Variants in FOXN3 observed in about 807,000 individuals in gnomAD.
FOXN3 encodes forkhead box protein N3.
A neutral mutation model predicts 38.4 loss-of-function variants in FOXN3; 7 were observed. That is an observed-to-expected ratio of 0.18 (90% CI 0.10 to 0.34). FOXN3 has a LOEUF of 0.34. Among genes scored for constraint, FOXN3 ranks in the 10% least tolerant of loss-of-function variants. The pLI is 1.00. For missense variants in FOXN3, 456 were observed against 613.4 expected, an observed-to-expected ratio of 0.74 and a Z score of 2.71; for synonymous variants, 230 against 242.2, an observed-to-expected ratio of 0.95 and a Z score of 0.47.
At chr14:89,444,671 C>T (rs1378802856) in intron 1 of FOXN3, among the ~76,000 whole-genome samples, 1 of 152,104 alleles carries the variant, frequency 6.6e-6, no homozygotes, top group Non-Finnish European at 1.5e-5. Context: ...AAGATTTTGC[C>T]CTTCCTAAGT....
At chr14:89,289,196 A>AG (rs1566947850) in intron 3 of FOXN3, among the ~76,000 whole-genome samples, 1 of 6,312 alleles carries the variant, frequency 1.6e-4, no homozygotes, top group African/African-American at 2.3e-4. Flanking sequence ...AAAAAAAAAA[A>AG]AGAAAAGAAA....
intron 2 of FOXN3, among the ~76,000 whole-genome samples, chr14:89,393,458 C>G (rs10130409): frequency 0.068 from 10,403 of 152,276 alleles, 795 homozygotes; most frequent in African/African-American, 0.19. Flanking sequence ...CATCCAGCCA[C>G]AGGACTGTGG....
At chr14:89,165,226 G>A (rs915203119) in intron 5 of FOXN3, among the ~76,000 whole-genome samples, 7 of 152,116 alleles carry the variant, frequency 4.6e-5, no homozygotes, top group Non-Finnish European at 8.8e-5. Context: ...AGCCACACAC[G>A]CCTGTGCTCA....
At chr14:89,236,725 C>G (rs1388749220) in intron 4 of FOXN3, among the ~76,000 whole-genome samples, 2 of 152,174 alleles carry the variant, frequency 1.3e-5, no homozygotes, top group Non-Finnish European at 2.9e-5. Context: ...GCCCTCTCCC[C>G]AAAGATTAAA....
At chr14:89,478,801 G>A (rs1384381672) in intron 1 of FOXN3, among the ~76,000 whole-genome samples, 1 of 151,702 alleles carries the variant, frequency 6.6e-6, no homozygotes, top group Non-Finnish European at 1.5e-5. Flanking sequence ...GCGTGGTGGT[G>A]CACGCCTGTA....
chr14:89,595,144 G>T (rs1001439012), intron 1 of FOXN3, among the ~76,000 whole-genome samples: 1 of 149,780 alleles, frequency 6.7e-6, no homozygotes, highest in Admixed American at 6.7e-5. Flanking sequence ...GTGAAACCCC[G>T]TCTCTACTAA....
chr14:89,469,147 A>AG (rs1219187456), intron 1 of FOXN3, among the ~76,000 whole-genome samples: 1 of 152,220 alleles, frequency 6.6e-6, no homozygotes, highest in African/African-American at 2.4e-5. Context: ...ACTGAGACCC[A>AG]GGGGTCCCCT....
At chr14:89,604,304 T>C (rs1181102832) in intron 1 of FOXN3, among the ~76,000 whole-genome samples, 2 of 149,948 alleles carry the variant, frequency 1.3e-5, no homozygotes, top group African/African-American at 2.5e-5. Flanking sequence ...CAAAGCACCA[T>C]GAACAACAAC....
intron 3 of FOXN3, among the ~76,000 whole-genome samples, chr14:89,301,087 G>A (rs1255980695): frequency 6.6e-6 from 1 of 152,130 alleles, no homozygotes; most frequent in African/African-American, 2.4e-5. Flanking sequence ...ACAGGCATGA[G>A]CCACTGCACC....
chr14:89,355,614 C>T (rs1889186167), intron 2 of FOXN3, among the ~76,000 whole-genome samples: 1 of 152,164 alleles, frequency 6.6e-6, no homozygotes, highest in African/African-American at 2.4e-5. Context: ...GGATCATAAG[C>T]AGCACTGTTT....
At chr14:89,327,848 G>C (rs988886648) in intron 3 of FOXN3, among the ~76,000 whole-genome samples, 1 of 152,178 alleles carries the variant, frequency 6.6e-6, no homozygotes, top group Non-Finnish European at 1.5e-5. Context: ...CAGAAGGAAC[G>C]TTAGAGATGA....
intron 4 of FOXN3, among the ~76,000 whole-genome samples, chr14:89,279,535 A>G (rs1886395852): frequency 6.6e-6 from 1 of 152,212 alleles, no homozygotes; most frequent in African/African-American, 2.4e-5. Context: ...AGGAAAAATG[A>G]CGCACATAAC....
rs146002502 is a variant in FOXN3 at position 89,496,029 on chromosome 14, G to A, written c.-14-83539C>T. ...GGAGCTCGAGAACAGCTTGGCCAAC[G>A]TGGTAAAATCCCGTCTCTACTAAAA... On this transcript the variant is annotated intron_variant, in intron 1 of 6. Coordinates refer to the FOXN3 transcript ENST00000345097. Among the ~76,000 whole-genome samples the A allele has an allele frequency of 5.3e-5, 8 of 152,240 alleles. No individual in the cohort carries two copies. The East Asian group carries it at 7.7e-4, about 15-fold the overall frequency.
intron 3 of FOXN3, among the ~76,000 whole-genome samples, chr14:89,304,055 G>C (rs182846722): frequency 2.0e-3 from 311 of 152,304 alleles, no homozygotes; most frequent in Non-Finnish European, 3.5e-3. Flanking sequence ...CCAGCTTCTT[G>C]CCGGTGATCA....
intron 2 of FOXN3, among the ~76,000 whole-genome samples, chr14:89,363,957 T>TATATATATATATATATA (rs1889999844): frequency 2.2e-4 from 1 of 4,564 alleles, no homozygotes; most frequent in South Asian, 0.019. Context: ...AATATATATA[T>TATATATATATATATATA]ATATATATAT....
intron 1 of FOXN3, among the ~76,000 whole-genome samples, chr14:89,589,571 G>A (rs1386306973): frequency 1.3e-5 from 2 of 152,086 alleles, no homozygotes; most frequent in Admixed American, 6.6e-5. Context: ...ACACCCAGCC[G>A]AGGTCTATAG....
intron 3 of FOXN3, among the ~76,000 whole-genome samples, chr14:89,326,169 C>A (rs1018853137): frequency 2.0e-5 from 3 of 152,200 alleles, no homozygotes; most frequent in Non-Finnish European, 2.9e-5. Context: ...ACAAACCTAC[C>A]ATGTCCCTGC....
At chr14:89,204,421 C>T (rs73321265) in intron 4 of FOXN3, among the ~76,000 whole-genome samples, 5,471 of 152,224 alleles carry the variant, frequency 0.036, 336 homozygotes, top group African/African-American at 0.12. Flanking sequence ...GCCTCAGTTT[C>T]AACACTTAGC....
chr14:89,192,652 TTATA>T (rs1197249734), intron 4 of FOXN3, among the ~76,000 whole-genome samples: 1 of 141,574 alleles, frequency 7.1e-6, no homozygotes, highest in Non-Finnish European at 1.5e-5. Context: ...CTTATATAGT[TTATA>T]TATACTATTA....
Sources: allele counts gnomAD v4.1 joint callset (sites outside exome capture counted in the v4.1 genomes callset), GRCh38; gene constraint gnomAD v4.1.1; transcripts MANE v1.5; gene names NCBI Gene and HGNC (gene_info 2026-07-23, HGNC 2026-07-21).